Variants in CHSY3 observed in about 807,000 individuals in gnomAD.
CHSY3 encodes the protein N-acetylgalactosaminyl-proteoglycan 3-beta-glucuronosyltransferase 3.
In CHSY3, 35 loss-of-function variants were observed where a neutral mutation model predicts 67.2. That is an observed-to-expected ratio of 0.52 (90% CI 0.40 to 0.69). The LOEUF is 0.69. Ranked by LOEUF, CHSY3 falls within the 30% of genes least tolerant of loss-of-function variation. CHSY3 has a pLI of 0.00. For synonymous variants in CHSY3, 474 were observed against 434.7 expected (o/e 1.09, Z -1.12); for missense variants, 1,069 against 1,138.5 (o/e 0.94, Z 0.88).
intron 2 of CHSY3, among the ~76,000 whole-genome samples, chr5:130,114,764 A>G (rs1303890288): frequency 1.3e-5 from 2 of 152,144 alleles, no homozygotes; most frequent in Admixed American, 1.3e-4. Flanking sequence ...TAGTGTTCAG[A>G]GTGTGTCCCT....
intron 2 of CHSY3, 98 bp downstream of exon 2, chr5:129,908,458 T>C (rs1208655411): frequency 6.1e-6 from 9 of 1,483,154 alleles, no homozygotes; most frequent in Non-Finnish European, 8.1e-6. Context: ...TGTATCTTTG[T>C]ATTTACTTGA....
intron 2 of CHSY3, among the ~76,000 whole-genome samples, chr5:130,117,259 A>C (rs976725258): frequency 6.6e-6 from 1 of 152,174 alleles, no homozygotes; most frequent in African/African-American, 2.4e-5. Flanking sequence ...AGGAGCCCAG[A>C]AGATGTGTTG....
At chr5:130,133,231 G>A (rs1255453230) in intron 2 of CHSY3, among the ~76,000 whole-genome samples, 3 of 152,074 alleles carry the variant, frequency 2.0e-5, no homozygotes, top group African/African-American at 7.2e-5. Context: ...TAATGACATT[G>A]TTTCCATTAC....
intron 2 of CHSY3, among the ~76,000 whole-genome samples, chr5:130,123,849 A>G (rs1038708649): frequency 2.0e-5 from 3 of 152,054 alleles, no homozygotes; most frequent in African/African-American, 7.2e-5. Flanking sequence ...CGAGGTCAGG[A>G]GATCAAGACC....
intron 2 of CHSY3, among the ~76,000 whole-genome samples, chr5:130,049,783 T>TA (rs35437985): frequency 4.0e-5 from 6 of 151,500 alleles, no homozygotes; most frequent in Admixed American, 2.6e-4. Context: ...TTTTTTTTTT[T>TA]AATTTGAGAT....
At chr5:130,078,768 G>C (rs1766353323) in intron 2 of CHSY3, among the ~76,000 whole-genome samples, 1 of 152,088 alleles carries the variant, frequency 6.6e-6, no homozygotes. Context: ...CTCAGTGCTT[G>C]AACCTTCAGT....
intron 2 of CHSY3, among the ~76,000 whole-genome samples, chr5:129,921,984 T>C (rs1293942422): frequency 2.0e-5 from 3 of 152,172 alleles, no homozygotes; most frequent in Non-Finnish European, 4.4e-5. Context: ...CCATTCCCAC[T>C]TTAACACACT....
chr5:129,930,958 G>T (rs548334827), intron 2 of CHSY3, among the ~76,000 whole-genome samples: 67 of 152,260 alleles, frequency 4.4e-4, no homozygotes, highest in African/African-American at 1.6e-3. Flanking sequence ...GTGCACATCA[G>T]TCTTTCCATT....
At chr5:130,177,559 T>A (rs1359988711) in intron 2 of CHSY3, among the ~76,000 whole-genome samples, 2 of 152,194 alleles carry the variant, frequency 1.3e-5, no homozygotes, top group Non-Finnish European at 1.5e-5. Context: ...GCCATTTTCA[T>A]CATATTTTGA....
Position 130,185,448 on chromosome 5 carries a change from C to T in CHSY3, c.2306C>T (p.Ser769Leu), listed in dbSNP as rs1420488939. ...NPPTDDYFIFSKKTGFWRDYG... is the reference protein window; with the variant it reads ...NPPTDDYFIFLKKTGFWRDYG... ...CCCACTGATGATTACTTCATATTCTCAAAAAAGACTGGATTTTGGAGAGAC... is the reference window on the plus strand; with the variant it reads ...CCCACTGATGATTACTTCATATTCTTAAAAAAGACTGGATTTTGGAGAGAC... Residue 769 changes from serine (S) to leucine (L), a missense_variant, in exon 3 of 3, where the codon TCA becomes TTA. Ser to Leu is a moderately radical substitution (Grantham distance 145). Around this residue, in one of 5 missense-constraint regions of CHSY3, gnomAD observed 139 missense variants for 152.8 expected, o/e 0.91. Transcript: ENST00000305031. The T allele has an allele frequency of 3.7e-6, 6 of 1,613,720 alleles. No homozygotes were observed. The highest frequency in any genetic ancestry group is 5.1e-6 in the Non-Finnish European group (6 of 1,179,870).
chr5:129,966,569 G>A lies in CHSY3; in HGVS notation c.1086+58209G>A, dbSNP rs113998992. Among the ~76,000 whole-genome samples, 1,435 of 151,726 alleles carry A rather than the reference G, an allele frequency of 9.5e-3. 21 individuals carry two copies. The highest frequency in any genetic ancestry group is 0.032 in the African/African-American group (1,346 of 41,452). ...AAGTAAATAACAAATACCTTTATTT[G>A]TGTCTCATAACATCTCGGAGGTATG... On this transcript the variant is annotated intron_variant, in intron 2 of 2. Transcript: ENST00000305031.
intron 2 of CHSY3, among the ~76,000 whole-genome samples, chr5:129,994,419 T>G (rs992240166): frequency 6.6e-6 from 1 of 152,162 alleles, no homozygotes; most frequent in Non-Finnish European, 1.5e-5. Flanking sequence ...GTCTTTTTAT[T>G]CTTTTTTCTC....
chr5:130,107,449 G>A (rs1464342187), intron 2 of CHSY3, among the ~76,000 whole-genome samples: 1 of 151,354 alleles, frequency 6.6e-6, no homozygotes, highest in Non-Finnish European at 1.5e-5. Context: ...GCTAGTGTGT[G>A]TGTGTGTGTG....
intron 2 of CHSY3, among the ~76,000 whole-genome samples, chr5:130,044,768 C>G (rs187423806): frequency 6.6e-6 from 1 of 152,046 alleles, no homozygotes; most frequent in Non-Finnish European, 1.5e-5. Flanking sequence ...TGTCAAGTAA[C>G]GTAAGAAAAG....
At chr5:130,005,130 C>T (rs1763839145) in intron 2 of CHSY3, among the ~76,000 whole-genome samples, 1 of 152,126 alleles carries the variant, frequency 6.6e-6, no homozygotes. Context: ...ATCAGCTAAT[C>T]AGCTGAGATT....
chr5:130,172,588 C>T (rs2149733415), intron 2 of CHSY3, among the ~76,000 whole-genome samples: 1 of 152,278 alleles, frequency 6.6e-6, no homozygotes, highest in Non-Finnish European at 1.5e-5. Context: ...GTCTCATCCT[C>T]TCAAAGTGCT....
At chr5:129,919,486 C>T (rs1031420657) in intron 2 of CHSY3, among the ~76,000 whole-genome samples, 3 of 152,174 alleles carry the variant, frequency 2.0e-5, no homozygotes, top group East Asian at 1.9e-4. Context: ...CACAGTTCCA[C>T]GTGGCTGGGG....
At chr5:130,107,959 A>C (rs1261729439) in intron 2 of CHSY3, among the ~76,000 whole-genome samples, 1 of 151,764 alleles carries the variant, frequency 6.6e-6, no homozygotes, top group Admixed American at 6.6e-5. Flanking sequence ...AGAATCCTTC[A>C]GTATGTTACA....
chr5:130,018,466 A>G, intron 2 of CHSY3, among the ~76,000 whole-genome samples: 1 of 152,166 alleles, frequency 6.6e-6, no homozygotes, highest in East Asian at 1.9e-4. Flanking sequence ...GACAATAAAT[A>G]CTTTTTTAGT....
Sources: allele counts gnomAD v4.1 joint callset (sites outside exome capture counted in the v4.1 genomes callset), GRCh38; gene constraint gnomAD v4.1.1; regional missense constraint gnomAD v4.1.1; transcripts MANE v1.5; gene names NCBI Gene and HGNC (gene_info 2026-07-23, HGNC 2026-07-21).